The following CEP83 variants were observed in gnomAD, a reference collection of about 807,000 sequenced individuals.
CEP83 encodes the protein centrosomal protein 83.
Under a neutral mutation model 101.9 loss-of-function variants are expected in CEP83, and 70 were observed. That is an observed-to-expected ratio of 0.69 (90% CI 0.57 to 0.84). CEP83 has a LOEUF of 0.84. CEP83 is among the 40% of genes least tolerant of loss of function. The pLI is 0.00. For missense variants in CEP83, 715 were observed against 787.2 expected, an observed-to-expected ratio of 0.91 and a Z score of 1.10; for synonymous variants, 264 against 267.9, an observed-to-expected ratio of 0.99 and a Z score of 0.14.
intron 1 of CEP83, among the ~76,000 whole-genome samples, chr12:94,449,023 G>GAAACAA (rs2067019532): frequency 8.3e-6 from 1 of 120,020 alleles, no homozygotes; most frequent in Non-Finnish European, 1.8e-5. Flanking sequence ...CAACAAAATC[G>GAAACAA]AAAAAAAAAA....
chr12:94,458,807 G>C (rs2067909044), intron 1 of CEP83, among the ~76,000 whole-genome samples: 1 of 152,110 alleles, frequency 6.6e-6, no homozygotes, highest in Non-Finnish European at 1.5e-5. Flanking sequence ...AATACAAAAG[G>C]TGAGTATTAA....
At chr12:94,403,634 C>T (rs1292378349) in intron 4 of CEP83, among the ~76,000 whole-genome samples, 1 of 152,020 alleles carries the variant, frequency 6.6e-6, no homozygotes, top group African/African-American at 2.4e-5. Context: ...CAAAGAGAAC[C>T]TTTCAGACTT....
the CEP83 span, among the ~76,000 whole-genome samples, chr12:94,267,126 C>T: frequency 6.6e-6 from 1 of 152,110 alleles, no homozygotes; most frequent in African/African-American, 2.4e-5. Flanking sequence ...TACTTTAAGA[C>T]GTTTTAGAAG....
At chr12:94,418,413 C>T (rs2064456981) in intron 2 of CEP83, among the ~76,000 whole-genome samples, 1 of 151,972 alleles carries the variant, frequency 6.6e-6, no homozygotes, top group Non-Finnish European at 1.5e-5. Context: ...TAGATGAGCT[C>T]ATCAGCAGAA....
the CEP83 span, among the ~76,000 whole-genome samples, chr12:94,283,847 G>T: frequency 4.6e-5 from 7 of 152,328 alleles, no homozygotes; most frequent in East Asian, 1.3e-3. Context: ...ACTTCGGGAG[G>T]CTGAGGTGGG....
At chr12:94,441,914 C>CAAAAA (rs370968833) in intron 1 of CEP83, among the ~76,000 whole-genome samples, 2 of 61,794 alleles carry the variant, frequency 3.2e-5, no homozygotes, top group Admixed American at 2.0e-4. Flanking sequence ...GACTCCGTCT[C>CAAAAA]AAAAAAAAAA....
At chr12:94,382,085 G>A (rs1038007885) in intron 6 of CEP83, among the ~76,000 whole-genome samples, 1 of 152,068 alleles carries the variant, frequency 6.6e-6, no homozygotes, top group Non-Finnish European at 1.5e-5. Context: ...AATGAGTTGT[G>A]GTCGTTTGTG....
At chr12:94,311,050 A>T (rs1228105852) in intron 15 of CEP83, among the ~76,000 whole-genome samples, 1 of 152,136 alleles carries the variant, frequency 6.6e-6, no homozygotes, top group African/African-American at 2.4e-5. Flanking sequence ...ACCCCACCCC[A>T]TGACATCTGG....
intron 1 of CEP83, among the ~76,000 whole-genome samples, chr12:94,453,708 G>A (rs1443836847): frequency 6.6e-6 from 1 of 152,146 alleles, no homozygotes; most frequent in Non-Finnish European, 1.5e-5. Flanking sequence ...AACTTTCAGA[G>A]ATTTATGTTT....
chr12:94,353,049 C>T (rs1454428547), intron 11 of CEP83, among the ~76,000 whole-genome samples: 2 of 152,066 alleles, frequency 1.3e-5, no homozygotes, highest in African/African-American at 2.4e-5. Context: ...GCATACTATA[C>T]TCAAACATCA....
the CEP83 span, among the ~76,000 whole-genome samples, chr12:94,268,372 T>C: frequency 6.6e-6 from 1 of 151,962 alleles, no homozygotes; most frequent in African/African-American, 2.4e-5. Context: ...CCAAGCAAAG[T>C]CCCCTAGAGC....
At chr12:94,369,631 C>T (rs1042007473) in intron 9 of CEP83, 1 of 219,698 alleles carries the variant, frequency 4.6e-6, no homozygotes, top group African/African-American at 2.3e-5. Context: ...ATAACTACAC[C>T]ATAAATAGAT....
At chr12:94,350,058 A>G (rs1409098350) in intron 11 of CEP83, among the ~76,000 whole-genome samples, 1 of 152,210 alleles carries the variant, frequency 6.6e-6, no homozygotes, top group African/African-American at 2.4e-5. Context: ...TATTGTTGAG[A>G]TGTCAATACT....
At chr12:94,397,561 G>C (rs1025378852) in intron 6 of CEP83, among the ~76,000 whole-genome samples, 3 of 151,992 alleles carry the variant, frequency 2.0e-5, no homozygotes, top group Non-Finnish European at 2.9e-5. Context: ...ATTTTAATGA[G>C]AATCACTTAG....
chr12:94,283,367 G>GA, the CEP83 span, among the ~76,000 whole-genome samples: 6 of 152,188 alleles, frequency 3.9e-5, no homozygotes, highest in Admixed American at 3.9e-4. Flanking sequence ...GGGCAATGGA[G>GA]AGGGGGAAGG....
At chr12:94,425,828 G>C (rs995432186) in intron 2 of CEP83, among the ~76,000 whole-genome samples, 1 of 152,110 alleles carries the variant, frequency 6.6e-6, no homozygotes, top group Admixed American at 6.5e-5. Context: ...GTGTATATAA[G>C]AAATGAAAAC....
rs1296728896 is a variant in CEP83, at chr12:94,454,320, C to CA, written c.-155+5236dup. 5.9e-5 allele frequency among the ~76,000 whole-genome samples: 9 copies of CA among 152,218 alleles called. No individual in the cohort carries two copies. In the East Asian group the frequency reaches 1.7e-3, roughly 29 times the overall value. On this transcript the variant is annotated intron_variant, in intron 1 of 16. Transcript: ENST00000397809. ...CCAGTATTTTCACGTGTCCTTCACACAAAAAATAATTCAATACATACTTAT... is the reference window on the plus strand; with the variant it reads ...CCAGTATTTTCACGTGTCCTTCACACAAAAAAATAATTCAATACATACTTAT...
intron 5 of CEP83, among the ~76,000 whole-genome samples, chr12:94,402,036 T>C (rs2063287970): frequency 6.6e-6 from 1 of 152,214 alleles, no homozygotes; most frequent in South Asian, 2.1e-4. Flanking sequence ...ATTTGTTAAA[T>C]AAGGTAACAT....
At chr12:94,406,170 G>A (rs2063521719) in intron 4 of CEP83, among the ~76,000 whole-genome samples, 1 of 152,026 alleles carries the variant, frequency 6.6e-6, no homozygotes, top group Non-Finnish European at 1.5e-5. Flanking sequence ...GCAAGACCCA[G>A]AAAGATAAAA....
Sources: gnomAD v4.1 joint callset for allele counts (sites outside exome capture counted in the v4.1 genomes callset) on GRCh38, gnomAD v4.1.1 for gene constraint, MANE v1.5 for transcripts, NCBI Gene and HGNC (gene_info 2026-07-23, HGNC 2026-07-21) for gene names.